The following GRK5 variants were observed in gnomAD, a reference collection of about 807,000 sequenced individuals.
GRK5 encodes G protein-coupled receptor kinase 5, also known as g protein-coupled receptor kinase GRK5.
In GRK5, 40 loss-of-function variants were observed where a neutral mutation model predicts 78.4. The ratio of observed to expected loss-of-function variants is 0.51; its 90% CI spans 0.40 to 0.66. GRK5 has a LOEUF of 0.66. Ranked by LOEUF, GRK5 falls within the 30% of genes least tolerant of loss-of-function variation. The pLI is 0.00. For missense variants in GRK5, 598 were observed against 759.9 expected, an observed-to-expected ratio of 0.79 and a Z score of 2.50; for synonymous variants, 289 against 296.8, an observed-to-expected ratio of 0.97 and a Z score of 0.27.
chr10:119,423,369 G>A (rs1463137070), intron 5 of GRK5, 103 bp downstream of exon 5: 2 of 752,678 alleles, frequency 2.7e-6, no homozygotes, highest in Non-Finnish European at 4.7e-6. Context: ...GGTCTTCCAT[G>A]CCTGACAGCT....
rs1851669520 is a variant in GRK5 at position 119,378,947 on chromosome 10, C to A, written c.149-1868C>A. Among the ~76,000 whole-genome samples the A allele has an allele frequency of 6.6e-6, 1 of 152,142 alleles. No individual in the cohort carries two copies. The highest frequency in any genetic ancestry group is 6.5e-5 in the Admixed American group (1 of 15,278). On this transcript the variant is annotated intron_variant, in intron 2 of 15. Coordinates refer to ENST00000392870, the MANE Select transcript of GRK5 (RefSeq NM_005308.3). This position sits in a 1 kb window ranked among gnomAD's most constrained non-coding sequence, Gnocchi z 4.5. ...GACTAAGTGACGTGTCCATCCGTGACCGTAGCACTGTGGCCAGGAGACAGA... is the reference window on the plus strand; with the variant it reads ...GACTAAGTGACGTGTCCATCCGTGAACGTAGCACTGTGGCCAGGAGACAGA...
intron 1 of GRK5, among the ~76,000 whole-genome samples, chr10:119,244,685 G>A (rs1849077441): frequency 6.6e-6 from 1 of 152,142 alleles, no homozygotes. Flanking sequence ...AGTGAGCTGT[G>A]ATTGCAATAC....
At position 119,412,304 on chromosome 10, in the gene GRK5, G is replaced by A. The variant is rs934450736; in HGVS notation, c.340-10862G>A. Among the ~76,000 whole-genome samples, 3 of 152,176 alleles carry A rather than the reference G, an allele frequency of 2.0e-5. No homozygotes were observed. Among genetic ancestry groups the A allele is most frequent in the South Asian group, 2.1e-4 (1 of 4,830 alleles). On this transcript the variant is annotated intron_variant, in intron 4 of 15. Transcript: ENST00000392870. This position sits in a 1 kb window ranked among gnomAD's most constrained non-coding sequence, Gnocchi z 4.3. ...CTGCCGGTCCGGTGTGTCTCTGCCT[G>A]GCAGGGCTGTGCCTGGCACGGTGCC... is the stretch of plus-strand genomic sequence containing the variant.
chr10:119,314,535 A>G (rs1455798016), intron 1 of GRK5, among the ~76,000 whole-genome samples: 1 of 152,154 alleles, frequency 6.6e-6, no homozygotes, highest in Non-Finnish European at 1.5e-5. Context: ...CTGGGGTCCT[A>G]TGCTCAGCTA....
chr10:119,289,251 C>A (rs1386058421), intron 1 of GRK5, among the ~76,000 whole-genome samples: 1 of 152,156 alleles, frequency 6.6e-6, no homozygotes, highest in Non-Finnish European at 1.5e-5. Flanking sequence ...TGCTCAAACT[C>A]CTCCAGAGAT....
chr10:119,415,548 A>G (rs1282543778), intron 4 of GRK5, among the ~76,000 whole-genome samples: 1 of 152,172 alleles, frequency 6.6e-6, no homozygotes, highest in Non-Finnish European at 1.5e-5. Flanking sequence ...ACCTGTGAGG[A>G]GCCTCCTCAA....
At chr10:119,339,488 C>G (rs896339862) in intron 2 of GRK5, among the ~76,000 whole-genome samples, 1 of 152,192 alleles carries the variant, frequency 6.6e-6, no homozygotes, top group East Asian at 1.9e-4. Flanking sequence ...TATTAAACCC[C>G]CTTGTTCTGA....
chr10:119,283,161 G>A (rs1280826126), intron 1 of GRK5, among the ~76,000 whole-genome samples: 2 of 152,188 alleles, frequency 1.3e-5, no homozygotes, highest in Admixed American at 6.5e-5. Flanking sequence ...CCTTTGTCAG[G>A]ATGGTGTTTT....
chr10:119,376,055 G>A (rs1486597238), intron 2 of GRK5, among the ~76,000 whole-genome samples: 1 of 152,118 alleles, frequency 6.6e-6, no homozygotes, highest in Non-Finnish European at 1.5e-5. Flanking sequence ...CCAGACTCCT[G>A]GCCTGAGAGT....
chr10:119,262,896 A>G (rs982287645), intron 1 of GRK5, among the ~76,000 whole-genome samples: 1 of 152,250 alleles, frequency 6.6e-6, no homozygotes, highest in African/African-American at 2.4e-5. Context: ...GCATCTAAAA[A>G]TTATTCCATG....
At chr10:119,321,642 T>C (rs1180431673) in intron 1 of GRK5, among the ~76,000 whole-genome samples, 1 of 152,240 alleles carries the variant, frequency 6.6e-6, no homozygotes, top group Non-Finnish European at 1.5e-5. Flanking sequence ...ATCCATAATC[T>C]CATCCACAAA....
intron 1 of GRK5, among the ~76,000 whole-genome samples, chr10:119,275,769 A>G (rs1215423827): frequency 6.6e-6 from 1 of 152,154 alleles, no homozygotes; most frequent in East Asian, 1.9e-4. Context: ...GAAATTACTC[A>G]TTGGAAGAAA....
At chr10:119,317,690 A>G (rs2133750838) in intron 1 of GRK5, among the ~76,000 whole-genome samples, 1 of 152,314 alleles carries the variant, frequency 6.6e-6, no homozygotes, top group South Asian at 2.1e-4. Context: ...TGTCAGAGTC[A>G]GAGCCCAGGA....
chr10:119,219,508 C>G (rs1848629272), intron 1 of GRK5, among the ~76,000 whole-genome samples: 1 of 152,128 alleles, frequency 6.6e-6, no homozygotes, highest in African/African-American at 2.4e-5. Context: ...ATAAGGGATA[C>G]TCAACCTGTA....
chr10:119,250,755 C>T (rs1230333410), intron 1 of GRK5, among the ~76,000 whole-genome samples: 1 of 152,166 alleles, frequency 6.6e-6, no homozygotes, highest in African/African-American at 2.4e-5. Flanking sequence ...GTGGCTTAGT[C>T]ATGACCTGTG....
At position 119,413,168 on chromosome 10, in the gene GRK5, C is replaced by T. The variant is rs190514395; in HGVS notation, c.340-9998C>T. On this transcript the variant is annotated intron_variant, in intron 4 of 15. Coordinates refer to ENST00000392870, the MANE Select transcript of GRK5 (RefSeq NM_005308.3). ...ACACGGCGGTACCTAGGCTGGGAAC[C>T]CCCGAACCAGGGCACTTCTCCCCCA... is the stretch of plus-strand genomic sequence containing the variant. Among the ~76,000 whole-genome samples the T allele has an allele frequency of 7.2e-5, 11 of 151,922 alleles. No individual in the cohort carries two copies. In the East Asian group the frequency reaches 2.1e-3, roughly 29 times the overall value.
At chr10:119,290,870 C>G (rs573360930) in intron 1 of GRK5, among the ~76,000 whole-genome samples, 1 of 152,100 alleles carries the variant, frequency 6.6e-6, no homozygotes, top group Non-Finnish European at 1.5e-5. Context: ...CTGGGCTCCT[C>G]TAAGGAGGGG....
rs1848417192 is a variant in GRK5 at position 119,208,017 on chromosome 10, G to A, written c.52+48G>A. 3.8e-6 allele frequency: 6 copies of A among 1,572,508 alleles called. No individual in the cohort carries two copies. The East Asian group carries it at 1.4e-4, about 37-fold the overall frequency. ...GCCCGGCGCGTCCGCCGCGGGCCAG[G>A]GTGCGGGTGTCGGGTGGCGTGCGGG... On this transcript the variant is annotated intron_variant, in intron 1 of 15. Coordinates refer to ENST00000392870, the MANE Select transcript of GRK5 (RefSeq NM_005308.3).
chr10:119,293,233 G>C (rs1850014939), intron 1 of GRK5, among the ~76,000 whole-genome samples: 1 of 152,156 alleles, frequency 6.6e-6, no homozygotes, highest in South Asian at 2.1e-4. Flanking sequence ...CAAGAGACTT[G>C]AGGTGGCTGG....
Sources: allele counts gnomAD v4.1 joint callset (sites outside exome capture counted in the v4.1 genomes callset), GRCh38; gene constraint gnomAD v4.1.1; non-coding constraint Gnocchi (gnomAD v3.1); transcripts MANE v1.5; gene names NCBI Gene and HGNC (gene_info 2026-07-23, HGNC 2026-07-21).